Variants in FAT4 observed in about 807,000 individuals in gnomAD.
FAT4 encodes protocadherin Fat 4.
A neutral mutation model predicts 303.9 loss-of-function variants in FAT4; 84 were observed. The ratio of observed to expected loss-of-function variants is 0.28; its 90% CI spans 0.23 to 0.33. The LOEUF is 0.33. FAT4 is among the 10% of genes least tolerant of loss of function. FAT4 has a pLI of 1.00. For synonymous variants in FAT4, 2,307 were observed against 2,298.8 expected (o/e 1.00, Z -0.10); for missense variants, 6,005 against 6,146.8 (o/e 0.98, Z 0.77).
intron 2 of FAT4, among the ~76,000 whole-genome samples, chr4:125,374,785 C>T (rs1733250492): frequency 6.6e-6 from 1 of 152,112 alleles, no homozygotes; most frequent in African/African-American, 2.4e-5. Context: ...CCAGATAATT[C>T]TAGCTAAACT....
rs552147348 is a variant in FAT4 at position 125,476,265 on chromosome 4, T to C, written c.12299+9T>C. 37 of 1,484,562 alleles carry C rather than the reference T, an allele frequency of 2.5e-5. No individual in the cohort carries two copies. The South Asian group carries it at 4.6e-4, about 19-fold the overall frequency. 92.0% of individuals were successfully genotyped at this position (1,484,562 alleles called of 1,614,324 possible). A position where few individuals can be genotyped will look rare whatever the true frequency, so the allele number is the denominator to read the frequency against. On this transcript the variant is annotated intron_variant, in intron 13 of 17. Transcript: ENST00000394329. The stretch of plus-strand genomic sequence containing the variant: ...GCAGTTTCAGATGACTGGTAAGGAA[T>C]AGGATTAGTTTAATTTTTATTATTA...
chr4:125,366,448 C>T (rs986911796), intron 2 of FAT4, among the ~76,000 whole-genome samples: 7 of 152,104 alleles, frequency 4.6e-5, no homozygotes, highest in Non-Finnish European at 7.4e-5. Flanking sequence ...TTAATGGCTG[C>T]GTAGTATTCC....
intron 16 of FAT4, among the ~76,000 whole-genome samples, chr4:125,486,136 G>T (rs536975412): frequency 2.8e-5 from 4 of 141,672 alleles, no homozygotes; most frequent in East Asian, 2.5e-4. Flanking sequence ...CTGGGAGAAG[G>T]CTTTTCCTTT....
intron 2 of FAT4, among the ~76,000 whole-genome samples, chr4:125,332,848 G>A (rs1480678671): frequency 2.0e-5 from 3 of 151,942 alleles, no homozygotes; most frequent in South Asian, 2.1e-4. Context: ...TGATTAAAAC[G>A]TTTTCCTGGA....
At chr4:125,368,539 T>A (rs190083818) in intron 2 of FAT4, among the ~76,000 whole-genome samples, 89 of 147,292 alleles carry the variant, frequency 6.0e-4, no homozygotes, top group East Asian at 2.4e-3. Context: ...TATATATATA[T>A]AAAAATCATA....
In FAT4 at chr4:125,408,767, G is replaced by C. The variant is rs528758925; in HGVS notation, c.5893G>C (p.Val1965Leu). 1 of 1,561,006 alleles carries C rather than the reference G, an allele frequency of 6.4e-7. No homozygotes were observed. Among genetic ancestry groups the C allele is most frequent in the South Asian group, 1.2e-5 (1 of 82,480 alleles). ...ENLPVGSTVLVFNVTDADDGI... is the reference protein window; with the variant it reads ...ENLPVGSTVLLFNVTDADDGI... ...TCTACCTGTGGGATCTACTGTTCTTGTGTTTAATGTTACTGATGCAGATGA... is the reference window on the plus strand; with the variant it reads ...TCTACCTGTGGGATCTACTGTTCTTCTGTTTAATGTTACTGATGCAGATGA... Residue 1965 changes from valine (V) to leucine (L), a missense_variant, in exon 5 of 18, where the codon GTG becomes CTG. Coordinates refer to ENST00000394329, the MANE Select transcript of FAT4 (RefSeq NM_001291303.3).
chr4:125,450,232 A>G lies in FAT4; in HGVS notation c.9222A>G (p.Gln3074=), dbSNP rs541662297. ...KDKGNPPLSS[Q]ATVHITVTEE... ...AGGGAAACCCTCCACTTTCTTCCCA[A>G]GCAACTGTTCACATAACTGTCACTG... Residue 3074 remains glutamine, a synonymous_variant, in exon 10 of 18, where the codon CAA becomes CAG. Transcript: ENST00000394329. 3.1e-6 allele frequency: 5 copies of G among 1,614,036 alleles called. No individual in the cohort carries two copies. In the Admixed American group the frequency reaches 5.0e-5, roughly 16 times the overall value.
intron 3 of FAT4, among the ~76,000 whole-genome samples, chr4:125,401,104 T>C (rs1734371299): frequency 6.6e-6 from 1 of 152,058 alleles, no homozygotes; most frequent in Non-Finnish European, 1.5e-5. Context: ...ACTACAACCA[T>C]TGTTTTTTAA....
At chr4:125,350,913 T>C (rs1732197508) in intron 2 of FAT4, among the ~76,000 whole-genome samples, 1 of 151,610 alleles carries the variant, frequency 6.6e-6, no homozygotes, top group Non-Finnish European at 1.5e-5. Context: ...GACAGGGAGG[T>C]TCATCATATT....
intron 4 of FAT4, 113 bp downstream of exon 4, chr4:125,407,254 G>T: frequency 1.1e-6 from 1 of 913,662 alleles, no homozygotes; most frequent in Non-Finnish European, 1.7e-6. Flanking sequence ...TATACTACTA[G>T]TTATAAAAAT....
rs1727686176 is a variant in FAT4, at chr4:125,492,458, A to T, written c.*690A>T. On this transcript the variant is annotated 3_prime_UTR_variant, in exon 18 of 18. Transcript: ENST00000394329. Reference sequence around the variant, plus strand: ...CTTCCATTAGGAACAGAATGATTGCATGTTGTCCCCAGAACACTGCCACCT... The same window carrying T: ...CTTCCATTAGGAACAGAATGATTGCTTGTTGTCCCCAGAACACTGCCACCT... 1 of 152,238 alleles carries T rather than the reference A, an allele frequency of 6.6e-6. No individual in the cohort carries two copies. Among genetic ancestry groups the T allele is most frequent in the Non-Finnish European group, 1.5e-5 (1 of 68,054 alleles). The allele number at this position is 152,238 out of a possible 1,614,324, so 9.4% of individuals were successfully genotyped here.
chr4:125,325,326 A>C (rs1731111003), intron 2 of FAT4, among the ~76,000 whole-genome samples: 1 of 152,190 alleles, frequency 6.6e-6, no homozygotes, highest in African/African-American at 2.4e-5. Flanking sequence ...TTATCATAAA[A>C]GTCTTTAATA....
intron 2 of FAT4, among the ~76,000 whole-genome samples, chr4:125,344,370 A>G (rs1057482669): frequency 1.1e-4 from 17 of 152,210 alleles, no homozygotes; most frequent in Non-Finnish European, 2.2e-4. Flanking sequence ...GCCTGGTGTT[A>G]TTTTAATTCA....
chr4:125,390,449 G>A (rs969972290), intron 2 of FAT4, among the ~76,000 whole-genome samples: 1 of 152,070 alleles, frequency 6.6e-6, no homozygotes, highest in African/African-American at 2.4e-5. Flanking sequence ...TATTGGTGTG[G>A]GTTTCAATTT....
In FAT4 at chr4:125,415,602, C is replaced by T. The variant is rs759154801; in HGVS notation, c.6639C>T (p.Val2213=). 1.3e-4 allele frequency: 204 copies of T among 1,613,892 alleles called. No homozygotes were observed. In the East Asian group the frequency reaches 3.4e-3, roughly 27 times the overall value. Residue 2213 remains valine (V), a synonymous_variant, in exon 6 of 18, where the codon GTC becomes GTT. Transcript: ENST00000394329. ...RIDSVTGAIT[V]AKPLDREKTP... ...ACTCTGTCACAGGTGCCATCACTGT[C>T]GCTAAACCTTTGGATAGAGAAAAGA... is the stretch of plus-strand genomic sequence containing the variant.
At chr4:125,462,763 A>G (rs1296181178) in intron 10 of FAT4, among the ~76,000 whole-genome samples, 2 of 152,138 alleles carry the variant, frequency 1.3e-5, no homozygotes, top group African/African-American at 4.8e-5. Context: ...TCACTTTTGA[A>G]ATGTAAATAT....
chr4:125,462,091 T>A (rs1166620871), intron 10 of FAT4, among the ~76,000 whole-genome samples: 1 of 151,968 alleles, frequency 6.6e-6, no homozygotes, highest in Non-Finnish European at 1.5e-5. Context: ...GTTCCCAATT[T>A]ATTTATAAGG....
chr4:125,460,996 A>G (rs1265783687), intron 10 of FAT4, among the ~76,000 whole-genome samples: 2 of 152,124 alleles, frequency 1.3e-5, no homozygotes, highest in African/African-American at 2.4e-5. Context: ...TTGAAGAATC[A>G]GATTCTATTG....
intron 2 of FAT4, among the ~76,000 whole-genome samples, chr4:125,332,159 C>CTTTTTTTTTTTTTTT (rs199702900): frequency 7.5e-6 from 1 of 133,304 alleles, no homozygotes. Context: ...CCGTTCCATT[C>CTTTTTTTTTTTTTTT]TTTTTTTTTT....
Sources: allele counts gnomAD v4.1 joint callset (sites outside exome capture counted in the v4.1 genomes callset), GRCh38; gene constraint gnomAD v4.1.1; transcripts MANE v1.5; gene names NCBI Gene and HGNC (gene_info 2026-07-23, HGNC 2026-07-21).